Variants in ARMCX4 observed in about 807,000 individuals in gnomAD.
ARMCX4 encodes armadillo repeat containing X-linked 4, also known as armadillo repeat-containing X-linked protein 4.
Under a neutral mutation model 34.7 loss-of-function variants are expected in ARMCX4, and 3 were observed. The ratio of observed to expected loss-of-function variants is 0.09; its 90% CI spans 0.04 to 0.22. ARMCX4 has a LOEUF of 0.22. Ranked by LOEUF, ARMCX4 falls within the 10% of genes least tolerant of loss-of-function variation. The pLI is 1.00. For synonymous variants in ARMCX4, 513 were observed against 632.8 expected (o/e 0.81, Z 2.84); for missense variants, 1,448 against 1,720.8 (o/e 0.84, Z 2.81).
intron 2 of ARMCX4, among the ~76,000 whole-genome samples, chrX:101,442,336 C>T (rs1201185436): frequency 9.0e-6 from 1 of 111,294 alleles, no homozygotes; most frequent in Non-Finnish European, 1.9e-5. Context: ...TCACAACTTG[C>T]TCCCACACTC....
intron 4 of ARMCX4, among the ~76,000 whole-genome samples, chrX:101,469,689 A>T (rs1330471533): frequency 5.4e-5 from 6 of 111,673 alleles, no homozygotes; most frequent in African/African-American, 2.0e-4. Flanking sequence ...TGTTTTCATC[A>T]TCCCGAAAGG....
intron 7 of ARMCX4, among the ~76,000 whole-genome samples, chrX:101,504,513 G>T (rs1485649847): frequency 9.0e-6 from 1 of 110,745 alleles, no homozygotes; most frequent in East Asian, 2.8e-4. Context: ...GGACTTAGGG[G>T]GGCCTTCTGG....
At chrX:101,422,065 G>T (rs1402213005) in intron 2 of ARMCX4, among the ~76,000 whole-genome samples, 2 of 106,313 alleles carry the variant, frequency 1.9e-5, no homozygotes, top group African/African-American at 3.4e-5. Context: ...GCCCAGGCTG[G>T]AGTGCAATGA....
At chrX:101,467,186 G>A (rs1217619263) in intron 4 of ARMCX4, among the ~76,000 whole-genome samples, 2 of 112,158 alleles carry the variant, frequency 1.8e-5, no homozygotes, top group East Asian at 5.5e-4. Flanking sequence ...GTCTCGCTCT[G>A]TTGTCCAGGC....
chrX:101,500,877 A>G (rs1285841455), intron 7 of ARMCX4, among the ~76,000 whole-genome samples: 1 of 111,804 alleles, frequency 8.9e-6, no homozygotes, highest in African/African-American at 3.3e-5. Context: ...TGTCTGTGAC[A>G]TCATGCTAAT....
In ARMCX4 at chrX:101,489,051, G is replaced by A; in HGVS notation, c.462G>A (p.Glu154=). Reference sequence around the variant, plus strand: ...AAGCAGTGACCCAAACTGATGCTGAGGCTGGCAAAATAGTTAAGAAAGAAG... The same window carrying A: ...AAGCAGTGACCCAAACTGATGCTGAAGCTGGCAAAATAGTTAAGAAAGAAG... ...MKEAVTQTDA[E]AGKIVKKEAV... The change falls in exon 6 of 6, where the codon GAG becomes GAA. Residue 154 remains glutamate (E), a synonymous_variant. Coordinates refer to ENST00000423738, the MANE Select transcript of ARMCX4 (RefSeq NM_001256155.3). 8.6e-7 allele frequency: 1 copy of A among 1,156,368 alleles called. No homozygotes were observed. The highest frequency in any genetic ancestry group is 1.1e-6 in the Non-Finnish European group (1 of 873,134).
intron 4 of ARMCX4, among the ~76,000 whole-genome samples, chrX:101,476,120 A>G (rs113107026): frequency 2.5e-4 from 28 of 110,617 alleles, no homozygotes; most frequent in African/African-American, 8.5e-4. Context: ...TTCTTTTTTA[A>G]AAAAGTGGAA....
At position 101,494,577 on chromosome X, in the gene ARMCX4, G is replaced by C. The variant is rs1306724390; in HGVS notation, c.5988G>C (p.Trp1996Cys). Reference protein sequence around the residue: ...GMGSWDGAMIWSETKFAHQSE... With the variant: ...GMGSWDGAMICSETKFAHQSE... ...GGTCATGGGATGGAGCCATGATCTG[G>C]TCGGAAACTAAGTTTGCACACCAAA... is the stretch of plus-strand genomic sequence containing the variant. Residue 1996 changes from tryptophan to cysteine, a missense_variant, in exon 6 of 6, where the codon TGG becomes TGC. Trp to Cys is a radical substitution (Grantham distance 215, BLOSUM62 -2). Coordinates refer to ENST00000423738, the MANE Select transcript of ARMCX4 (RefSeq NM_001256155.3). The C allele has an allele frequency of 1.7e-6, 2 of 1,153,603 alleles. No homozygotes were observed. Among genetic ancestry groups the C allele is most frequent in the Non-Finnish European group, 2.3e-6 (2 of 872,301 alleles).
chrX:101,431,710 A>AT (rs1353019292), intron 2 of ARMCX4, among the ~76,000 whole-genome samples: 2 of 110,256 alleles, frequency 1.8e-5, no homozygotes, highest in Non-Finnish European at 3.8e-5. Flanking sequence ...TGCCCGGCTA[A>AT]TTTTTTGTAT....
chrX:101,500,671 AG>A (rs781999869), downstream of ARMCX4, among the ~76,000 whole-genome samples: 98 of 112,242 alleles, frequency 8.7e-4, no homozygotes, highest in African/African-American at 3.1e-3. Context: ...CCTAGTTTTT[AG>A]CTATTGATTT....
Position 101,489,865 on chromosome X carries a change from G to A in ARMCX4, c.1276G>A (p.Ala426Thr). 1 of 1,156,316 alleles carries A rather than the reference G, an allele frequency of 8.6e-7. No individual in the cohort carries two copies. The highest frequency in any genetic ancestry group is 1.1e-6 in the Non-Finnish European group (1 of 873,061). The change falls in exon 6 of 6, where the codon GCC becomes ACC. Residue 426 changes from alanine (A) to threonine (T), a missense_variant. Transcript: ENST00000423738. The part of the protein sequence containing the change: ...AKVKNRGNPN[A>T]MTKAGAKANL... Reference sequence around the variant, plus strand: ...GGTTAAGAACAGAGGCAATCCCAATGCCATGACTAAAGCAGGGGCCAAGGC... The same window carrying A: ...GGTTAAGAACAGAGGCAATCCCAATACCATGACTAAAGCAGGGGCCAAGGC...
intron 12 of ARMCX4, chrX:101,532,605 G>A (rs1226052560): frequency 9.0e-6 from 1 of 111,262 alleles, no homozygotes; most frequent in Non-Finnish European, 1.9e-5. Context: ...GTCCTGGGAA[G>A]TGGGAAAGTG....
chrX:101,493,186 G>C lies in ARMCX4; in HGVS notation c.4597G>C (p.Gly1533Arg), dbSNP rs1414186913. 1 of 1,153,551 alleles carries C rather than the reference G, an allele frequency of 8.7e-7. No homozygotes were observed. Among genetic ancestry groups the C allele is most frequent in the African/African-American group, 1.8e-5 (1 of 55,429 alleles). ...WGGASGQDVG[G>R]SRPGPTNQSS... The stretch of plus-strand genomic sequence containing the variant: ...TGGGGCTAGTGGCCAGGATGTTGGA[G>C]GGTCTAGGCCAGGGCCCACGAACCA... The change falls in exon 6 of 6, where the codon GGG becomes CGG. Residue 1533 changes from glycine to arginine, a missense_variant. Coordinates refer to ENST00000423738, the MANE Select transcript of ARMCX4 (RefSeq NM_001256155.3).
chrX:101,478,041 G>A (rs782503056), intron 4 of ARMCX4, among the ~76,000 whole-genome samples: 3 of 111,741 alleles, frequency 2.7e-5, no homozygotes, highest in Non-Finnish European at 5.6e-5. Flanking sequence ...ATGATGAAAC[G>A]TGAAAAGCAT....
chrX:101,463,450 A>G (rs1426838607), intron 4 of ARMCX4, among the ~76,000 whole-genome samples: 1 of 111,820 alleles, frequency 8.9e-6, no homozygotes, highest in East Asian at 2.8e-4. Context: ...CCTCTCCATT[A>G]GGTTAGGGGT....
intron 2 of ARMCX4, among the ~76,000 whole-genome samples, chrX:101,432,878 G>T (rs1481964539): frequency 1.3e-5 from 1 of 75,753 alleles, no homozygotes; most frequent in South Asian, 7.7e-4. Context: ...ATACACATAT[G>T]TATACGTGTG....
In ARMCX4 at chrX:101,503,340, A is replaced by T. The variant is rs1861494241; in HGVS notation, c.*1178-1597A>T. Among the ~76,000 whole-genome samples the T allele has an allele frequency of 2.7e-5, 3 of 111,378 alleles. No individual in the cohort carries two copies. The Admixed American group carries it at 2.9e-4, about 11-fold the overall frequency. ...TGGGTCAAATGGTATTTCTAGTTCT[A>T]GATCCCTGAGGAATCGCCACACTGA... On this transcript the variant is annotated intron_variant and NMD_transcript_variant, in intron 7 of 12. Transcript: ENST00000354842.
At chrX:101,505,135 G>A in exon 8 of ARMCX4, 1 of 111,170 alleles carries the variant, frequency 9.0e-6, no homozygotes, top group East Asian at 2.9e-4. Context: ...TCCTGATGAG[G>A]GTATGAATGC....
At position 101,440,352 on chromosome X, in the gene ARMCX4, G is replaced by A. The variant is rs1294413920; in HGVS notation, n.165-3700G>A. ...TTCCTCTGGAAGTTTTATCTCAGAG[G>A]AGTACCCGGCCGTGTGAGGTGTCAG... On this transcript the variant is annotated intron_variant and non_coding_transcript_variant, in intron 2 of 3. Transcript: ENST00000430461. 1.9e-4 allele frequency among the ~76,000 whole-genome samples: 21 copies of A among 111,474 alleles called. No homozygotes were observed. In the Admixed American group the frequency reaches 2.0e-3, roughly 11 times the overall value.
Sources: allele counts gnomAD v4.1 joint callset (sites outside exome capture counted in the v4.1 genomes callset), GRCh38; gene constraint gnomAD v4.1.1; transcripts MANE v1.5; gene names NCBI Gene and HGNC (gene_info 2026-07-23, HGNC 2026-07-21).